The following XKR6 variants were observed in gnomAD, a reference collection of about 807,000 sequenced individuals.
The protein encoded by XKR6 is XK related 6, also known as XK-related protein 6.
XKR6 carries 22 observed loss-of-function variants against 56.7 expected under a neutral mutation model. That is an observed-to-expected ratio of 0.39 (90% CI 0.28 to 0.55). XKR6 has a LOEUF of 0.55. Among genes scored for constraint, XKR6 ranks in the 20% least tolerant of loss-of-function variants. XKR6 has a pLI of 0.66. For missense variants in XKR6, 852 were observed against 889.0 expected, an observed-to-expected ratio of 0.96 and a Z score of 0.53; for synonymous variants, 524 against 387.8, an observed-to-expected ratio of 1.35 and a Z score of -4.13.
At chr8:11,086,306 C>T (rs1026796335) in intron 1 of XKR6, among the ~76,000 whole-genome samples, 1 of 152,072 alleles carries the variant, frequency 6.6e-6, no homozygotes, top group African/African-American at 2.4e-5. Flanking sequence ...CTTGGCCTGA[C>T]CTGCAGGACA....
chr8:11,140,119 AT>A (rs1800614312), intron 1 of XKR6, among the ~76,000 whole-genome samples: 1 of 152,006 alleles, frequency 6.6e-6, no homozygotes, highest in African/African-American at 2.4e-5. Context: ...GAAGAAGAAA[AT>A]TTTTTAATTA....
intron 1 of XKR6, among the ~76,000 whole-genome samples, chr8:11,187,866 C>A (rs1013201475): frequency 2.6e-5 from 4 of 152,144 alleles, no homozygotes; most frequent in Non-Finnish European, 5.9e-5. Flanking sequence ...ATGAACATGT[C>A]CCAGGATAAA....
intron 1 of XKR6, among the ~76,000 whole-genome samples, chr8:11,186,534 C>A (rs1038400884): frequency 6.6e-6 from 1 of 152,186 alleles, no homozygotes; most frequent in East Asian, 1.9e-4. Context: ...TGCCACACCA[C>A]ATCCAGCTCA....
At chr8:11,036,983 C>G (rs979782276) in intron 1 of XKR6, among the ~76,000 whole-genome samples, 20 of 152,200 alleles carry the variant, frequency 1.3e-4, no homozygotes, top group Admixed American at 3.9e-4. Flanking sequence ...CCCCCTAGAT[C>G]GGGTATGAAA....
intron 1 of XKR6, among the ~76,000 whole-genome samples, chr8:11,178,971 T>C (rs933720036): frequency 6.0e-5 from 9 of 151,128 alleles, no homozygotes; most frequent in African/African-American, 1.7e-4. Flanking sequence ...GCCTCCCAAG[T>C]AGCTAGAACT....
At chr8:10,954,866 C>CTCTCTTTTTTTTTTTT (rs1563309729) in intron 1 of XKR6, among the ~76,000 whole-genome samples, 1 of 92,794 alleles carries the variant, frequency 1.1e-5, no homozygotes, top group Non-Finnish European at 2.2e-5. Context: ...ACTTCATTCT[C>CTCTCTTTTTTTTTTTT]TTTTTTTTTT....
chr8:10,949,495 G>A (rs867824029), intron 1 of XKR6, among the ~76,000 whole-genome samples: 46 of 152,350 alleles, frequency 3.0e-4, no homozygotes, highest in African/African-American at 9.6e-4. Context: ...TCGCTCTGTA[G>A]CCAGGAAGGC....
chr8:11,069,386 A>C (rs1800060888), intron 1 of XKR6, among the ~76,000 whole-genome samples: 1 of 151,360 alleles, frequency 6.6e-6, no homozygotes. Flanking sequence ...GTCTCCCCTG[A>C]CTCCACCCAC....
rs908065201 is a variant in XKR6, at chr8:10,896,234, A to G, written c.*1718T>C. The G allele has an allele frequency of 6.6e-6, 1 of 151,944 alleles. No individual in the cohort carries two copies. The highest frequency in any genetic ancestry group is 2.4e-5 in the African/African-American group (1 of 41,288). 9.4% of individuals were successfully genotyped at this position (151,944 alleles called of 1,614,324 possible). ...TTAAAGGAACAATACTTTGAAAAAT[A>G]AAAAAAAATTTAAATCGTTGAACAT... On this transcript the variant is annotated 3_prime_UTR_variant, in exon 3 of 3. Transcript: ENST00000416569.
intron 1 of XKR6, chr8:11,002,520 A>G: frequency 3.0e-6 from 1 of 328,318 alleles, no homozygotes; most frequent in Non-Finnish European, 6.5e-6. Flanking sequence ...AGCAAGCAGG[A>G]ATGGGGAAGG....
At chr8:11,095,074 A>T (rs1798225086) in intron 1 of XKR6, among the ~76,000 whole-genome samples, 1 of 152,234 alleles carries the variant, frequency 6.6e-6, no homozygotes, top group Non-Finnish European at 1.5e-5. Context: ...AGGCTGATAC[A>T]AAGGCAAATT....
intron 1 of XKR6, among the ~76,000 whole-genome samples, chr8:10,940,674 C>T (rs2129123417): frequency 6.6e-6 from 1 of 152,330 alleles, no homozygotes; most frequent in East Asian, 1.9e-4. Context: ...CCAGTGGCTT[C>T]TCCCCACTAT....
chr8:11,103,923 C>A (rs6601561), intron 1 of XKR6, among the ~76,000 whole-genome samples: 1 of 152,028 alleles, frequency 6.6e-6, no homozygotes, highest in South Asian at 2.1e-4. Flanking sequence ...TCCACTGTTG[C>A]GGAATTTAAA....
chr8:11,108,716 A>G (rs1798775443), intron 1 of XKR6: 1 of 207,662 alleles, frequency 4.8e-6, no homozygotes, highest in Admixed American at 5.9e-5. Flanking sequence ...TTCCAAGGCG[A>G]CAGAGAATCA....
At chr8:11,108,086 C>A in intron 1 of XKR6, 2 of 333,400 alleles carry the variant, frequency 6.0e-6, no homozygotes, top group Non-Finnish European at 1.2e-5. Context: ...GGTGGAGAAT[C>A]CCAGATCCGA....
At chr8:10,939,707 C>G (rs931137638) in intron 1 of XKR6, among the ~76,000 whole-genome samples, 3 of 152,254 alleles carry the variant, frequency 2.0e-5, no homozygotes, top group Non-Finnish European at 4.4e-5. Flanking sequence ...AATTCCTGCC[C>G]TAATGCAGAG....
chr8:11,052,892 G>T lies in XKR6; in HGVS notation c.765-128062C>A, dbSNP rs184646789. 3.9e-3 allele frequency among the ~76,000 whole-genome samples: 588 copies of T among 152,304 alleles called. 4 individuals are homozygous for T. Among genetic ancestry groups the T allele is most frequent in the Middle Eastern group, 0.02 (6 of 294 alleles). ...ACTCTCCTAGGCTTCCTGGCCACCT[G>T]CAGAAAGCCTTCTGGGCTGTTGGGC... is the stretch of plus-strand genomic sequence containing the variant. On this transcript the variant is annotated intron_variant, in intron 1 of 2. Transcript: ENST00000416569.
rs373480995 is a variant in XKR6, at chr8:10,921,325, C to A, written c.961+3309G>T. On this transcript the variant is annotated intron_variant, in intron 2 of 2. Coordinates refer to ENST00000416569, the MANE Select transcript of XKR6 (RefSeq NM_173683.4). ...AGAGAAATCTCCCTAGGACCTGGCC[C>A]ATGCCAGCCCATAAACTCCTGAAGG... Among the ~76,000 whole-genome samples, 127 of 152,358 alleles carry A rather than the reference C, an allele frequency of 8.3e-4. 2 individuals carry two copies. The South Asian group carries it at 0.023, about 28-fold the overall frequency.
intron 1 of XKR6, among the ~76,000 whole-genome samples, chr8:11,149,017 C>T (rs1247951207): frequency 2.0e-5 from 3 of 152,102 alleles, no homozygotes; most frequent in African/African-American, 7.2e-5. Flanking sequence ...TGAGGGATGA[C>T]AGGGAGGGGA....
Sources: gnomAD v4.1 joint callset for allele counts (sites outside exome capture counted in the v4.1 genomes callset) on GRCh38, gnomAD v4.1.1 for gene constraint, MANE v1.5 for transcripts, NCBI Gene and HGNC (gene_info 2026-07-23, HGNC 2026-07-21) for gene names.